SFMBT1: variants seen among roughly 807,000 people sequenced by gnomAD.
SFMBT1 encodes the protein scm-like with four MBT domains protein 1.
SFMBT1 carries 32 observed loss-of-function variants against 108.7 expected under a neutral mutation model. The ratio of observed to expected loss-of-function variants is 0.29; its 90% CI spans 0.22 to 0.40. The LOEUF (loss-of-function observed/expected upper bound fraction) is 0.40, where lower values mean the gene tolerates loss of function less well. Ranked by LOEUF, SFMBT1 falls within the 10% of genes least tolerant of loss-of-function variation. The pLI is 1.00. For missense variants in SFMBT1, 816 were observed against 1,059.6 expected, an observed-to-expected ratio of 0.77 and a Z score of 3.19; for synonymous variants, 348 against 369.5, an observed-to-expected ratio of 0.94 and a Z score of 0.67.
At chr3:53,036,874 G>T (rs1211927024) in intron 1 of SFMBT1, among the ~76,000 whole-genome samples, 1 of 152,156 alleles carries the variant, frequency 6.6e-6, no homozygotes, top group Non-Finnish European at 1.5e-5. Flanking sequence ...CCACAGAAGG[G>T]AAAGAGGGAA....
intron 1 of SFMBT1, among the ~76,000 whole-genome samples, chr3:53,036,132 C>T (rs1219729668): frequency 6.6e-6 from 1 of 152,172 alleles, no homozygotes; most frequent in African/African-American, 2.4e-5. Flanking sequence ...GCCCTCAAAG[C>T]AGTGCTGACA....
intron 2 of SFMBT1, among the ~76,000 whole-genome samples, chr3:52,966,103 G>C (rs1233963030): frequency 6.1e-5 from 9 of 147,520 alleles, no homozygotes; most frequent in Non-Finnish European, 1.3e-4. Flanking sequence ...GGATCACGAG[G>C]TCAGGAAATC....
At chr3:53,036,541 C>A (rs1030876155) in intron 1 of SFMBT1, among the ~76,000 whole-genome samples, 1 of 152,194 alleles carries the variant, frequency 6.6e-6, no homozygotes, top group African/African-American at 2.4e-5. Context: ...AGAGGACTGG[C>A]GTCTTTGGGG....
In SFMBT1 at chr3:52,905,100, G is replaced by C. The variant is rs1419773162; in HGVS notation, c.*36C>G. The C allele has an allele frequency of 1.9e-6, 3 of 1,609,066 alleles. No individual in the cohort carries two copies. Among genetic ancestry groups the C allele is most frequent in the Non-Finnish European group, 2.5e-6 (3 of 1,177,582 alleles). On this transcript the variant is annotated 3_prime_UTR_variant, in exon 21 of 21. Transcript: ENST00000394752. ...GCAGGGTGAAGGATTTGCTGCATTTGTGCTTCAAAGATCCAGCTCACTTTG... is the reference window on the plus strand; with the variant it reads ...GCAGGGTGAAGGATTTGCTGCATTTCTGCTTCAAAGATCCAGCTCACTTTG...
intron 1 of SFMBT1, among the ~76,000 whole-genome samples, chr3:52,995,681 T>A (rs1473552145): frequency 6.7e-6 from 1 of 150,020 alleles, no homozygotes; most frequent in Non-Finnish European, 1.5e-5. Context: ...ATTACAAGTG[T>A]GAGCTATTGC....
intron 2 of SFMBT1, among the ~76,000 whole-genome samples, chr3:52,966,624 CAAAAAAAAAA>C (rs35044878): frequency 8.3e-5 from 4 of 48,392 alleles, no homozygotes; most frequent in African/African-American, 1.7e-4. Context: ...GACTCAGTCT[CAAAAAAAAAA>C]AAAAAAAAAA....
intron 1 of SFMBT1, among the ~76,000 whole-genome samples, chr3:53,010,534 TA>T (rs1327354648): frequency 2.0e-5 from 3 of 152,240 alleles, no homozygotes. Context: ...GAAATTTTCT[TA>T]ATGTTCTTTA....
chr3:52,980,933 C>T (rs995265343), intron 1 of SFMBT1, among the ~76,000 whole-genome samples: 44 of 152,230 alleles, frequency 2.9e-4, no homozygotes, highest in African/African-American at 9.9e-4. Context: ...GAGGCCGAGG[C>T]GGGTGGATCA....
intron 1 of SFMBT1, among the ~76,000 whole-genome samples, chr3:53,025,479 T>C (rs77058023): frequency 0.087 from 13,274 of 152,172 alleles, 735 homozygotes; most frequent in Middle Eastern, 0.15. Flanking sequence ...TAGCCAGGCA[T>C]GGTGGCACAC....
intron 1 of SFMBT1, among the ~76,000 whole-genome samples, chr3:52,972,851 C>A (rs1317394852): frequency 2.0e-5 from 3 of 149,310 alleles, no homozygotes; most frequent in Admixed American, 6.7e-5. Flanking sequence ...AACACACACA[C>A]ACACACACAC....
chr3:52,929,207 T>C (rs763927313), intron 8 of SFMBT1, among the ~76,000 whole-genome samples: 1 of 152,224 alleles, frequency 6.6e-6, no homozygotes, highest in Non-Finnish European at 1.5e-5. Context: ...TTTCAAATCC[T>C]AGCCCAGTTT....
At chr3:53,035,070 G>C (rs903353218) in intron 1 of SFMBT1, among the ~76,000 whole-genome samples, 1 of 152,360 alleles carries the variant, frequency 6.6e-6, no homozygotes, top group South Asian at 2.1e-4. Flanking sequence ...TGGCAGGAAA[G>C]GATTTACAGG....
At chr3:52,966,238 A>AC in intron 2 of SFMBT1, among the ~76,000 whole-genome samples, 1 of 147,658 alleles carries the variant, frequency 6.8e-6, no homozygotes, top group East Asian at 2.0e-4. Context: ...AATGGCGTGA[A>AC]CCCGGGAGGC....
intron 1 of SFMBT1, among the ~76,000 whole-genome samples, chr3:53,044,698 T>C (rs1385369225): frequency 6.6e-6 from 1 of 152,238 alleles, no homozygotes; most frequent in Non-Finnish European, 1.5e-5. Context: ...AAATCCATCT[T>C]ACTTCCTTTC....
intron 8 of SFMBT1, among the ~76,000 whole-genome samples, chr3:52,928,704 T>G (rs998237333): frequency 1.4e-5 from 2 of 144,962 alleles, no homozygotes; most frequent in Non-Finnish European, 3.0e-5. Context: ...AGTTTGTTTG[T>G]TTTTTTTTGG....
At chr3:52,906,354 G>A in intron 19 of SFMBT1, 113 bp from the exon 20 acceptor site, 1 of 1,515,560 alleles carries the variant, frequency 6.6e-7, no homozygotes, top group Non-Finnish European at 9.0e-7. Context: ...GTGGTCTTAG[G>A]ACATGATTTC....
At chr3:52,944,587 TC>T (rs1408040006) in intron 3 of SFMBT1, among the ~76,000 whole-genome samples, 3 of 152,214 alleles carry the variant, frequency 2.0e-5, no homozygotes, top group Non-Finnish European at 4.4e-5. Context: ...TGGCGTGATC[TC>T]GGCTTACCGC....
intron 1 of SFMBT1, among the ~76,000 whole-genome samples, chr3:52,991,110 CTT>C (rs1325745597): frequency 3.3e-5 from 5 of 152,206 alleles, no homozygotes; most frequent in Non-Finnish European, 2.9e-5. Flanking sequence ...TAAAATTGCT[CTT>C]TGTTTCACTG....
chr3:53,001,925 T>TCTCTCACACACA lies in SFMBT1; in HGVS notation c.-130-32668_-130-32667insTGTGTGTGAGAG, dbSNP rs1448849638. 2.2e-3 allele frequency among the ~76,000 whole-genome samples: 283 copies of TCTCTCACACACA among 129,230 alleles called. 11 individuals carry two copies. Among genetic ancestry groups the TCTCTCACACACA allele is most frequent in the Admixed American group, 0.02 (241 of 12,122 alleles). 84.8% of individuals were successfully genotyped at this position (129,230 alleles called of 152,430 possible). A position where few individuals can be genotyped will look rare whatever the true frequency, so the allele number is the denominator to read the frequency against. On this transcript the variant is annotated intron_variant, in intron 1 of 20. Transcript: ENST00000394752. The stretch of plus-strand genomic sequence containing the variant: ...GGGCAACAGAGCAAGACCCAGTCTC[T>TCTCTCACACACA]CACACACACACACACACACACACAC...
Sources: allele counts gnomAD v4.1 joint callset (sites outside exome capture counted in the v4.1 genomes callset), GRCh38; gene constraint gnomAD v4.1.1; transcripts MANE v1.5; gene names NCBI Gene and HGNC (gene_info 2026-07-23, HGNC 2026-07-21).